The following ENTPD7 variants were observed in gnomAD, a reference collection of about 807,000 sequenced individuals.
The protein encoded by ENTPD7 is ectonucleoside triphosphate diphosphohydrolase 7.
ENTPD7 carries 53 observed loss-of-function variants against 77.9 expected under a neutral mutation model. The observed-to-expected ratio is 0.68, with a 90% CI of 0.55 to 0.85. The LOEUF (loss-of-function observed/expected upper bound fraction) is 0.85, where lower values mean the gene tolerates loss of function less well. ENTPD7 is among the 40% of genes least tolerant of loss of function. The pLI is 0.00. For missense variants in ENTPD7, 636 were observed against 743.7 expected (o/e 0.86, Z 1.68); for synonymous variants, 248 against 274.9 (o/e 0.90, Z 0.97).
In ENTPD7 at chr10:99,709,578, T is replaced by C. The variant is rs756112583; in HGVS notation, c.*4895T>C. ...AATACTATAGAATAGCAACAGTGAA[T>C]ATACCTCAAATTGAAAACTTTTAGG... On this transcript the variant is annotated 3_prime_UTR_variant, in exon 13 of 13. Coordinates refer to ENST00000370489, the MANE Select transcript of ENTPD7 (RefSeq NM_020354.5). 43 of 983,892 alleles carry C rather than the reference T, an allele frequency of 4.4e-5. 1 individual carries two copies. The highest frequency in any genetic ancestry group is 5.1e-5 in the Non-Finnish European group (42 of 828,626). 60.9% of individuals were successfully genotyped at this position (983,892 alleles called of 1,614,324 possible). A position where few individuals can be genotyped will look rare whatever the true frequency, so the allele number is the denominator to read the frequency against.
intron 5 of ENTPD7, among the ~76,000 whole-genome samples, chr10:99,685,573 A>G (rs1372260330): frequency 1.3e-5 from 2 of 152,146 alleles, no homozygotes; most frequent in Non-Finnish European, 2.9e-5. Context: ...AGGGGAAAGT[A>G]TTACTATTAC....
At chr10:99,685,573 A>C (rs1372260330) in intron 5 of ENTPD7, among the ~76,000 whole-genome samples, 2 of 152,146 alleles carry the variant, frequency 1.3e-5, no homozygotes, top group Non-Finnish European at 2.9e-5. Context: ...AGGGGAAAGT[A>C]TTACTATTAC....
At chr10:99,669,811 G>A (rs2035598389) in intron 3 of ENTPD7, among the ~76,000 whole-genome samples, 2 of 135,912 alleles carry the variant, frequency 1.5e-5, no homozygotes. Context: ...GTGCAGTGGT[G>A]CGATCTCGGC....
chr10:99,695,359 T>TA (rs1264316014), intron 8 of ENTPD7, among the ~76,000 whole-genome samples: 2 of 151,934 alleles, frequency 1.3e-5, no homozygotes, highest in Non-Finnish European at 2.9e-5. Context: ...CCGTCTCCAC[T>TA]AAAAATACAA....
chr10:99,700,812 G>A, intron 10 of ENTPD7, 161 bp from the exon 11 acceptor site: 1 of 684,962 alleles, frequency 1.5e-6, no homozygotes, highest in Non-Finnish European at 2.6e-6. Flanking sequence ...GAATAAACAG[G>A]GGTATGACGC....
chr10:99,659,753 CA>C lies in ENTPD7; in HGVS notation c.-95-108del, dbSNP rs1283948254. The C allele has an allele frequency of 6.2e-6, 4 of 641,740 alleles. No individual in the cohort carries two copies. The highest frequency in any genetic ancestry group is 1.0e-5 in the Non-Finnish European group (4 of 385,100). 39.8% of individuals were successfully genotyped at this position (641,740 alleles called of 1,614,324 possible). Reference sequence around the variant, plus strand: ...GTAGGGTCCCCTGGGCCTGAGGAACCAGAGCAGACGGAGCGGGAGCCTGGGG... The same window carrying C: ...GTAGGGTCCCCTGGGCCTGAGGAACCGAGCAGACGGAGCGGGAGCCTGGGG... On this transcript the variant is annotated intron_variant, in intron 1 of 12. Transcript: ENST00000370489. This position sits in a 1 kb window ranked among gnomAD's most constrained non-coding sequence, Gnocchi z 4.1.
Position 99,709,537 on chromosome 10 carries a change from CAAT to C in ENTPD7, c.*4859_*4861del, listed in dbSNP as rs1034970922. The C allele has an allele frequency of 1.4e-5, 14 of 982,378 alleles. No homozygotes were observed. Among genetic ancestry groups the C allele is most frequent in the African/African-American group, 3.5e-5 (2 of 57,148 alleles). The allele number at this position is 982,378 out of a possible 1,614,324, so 60.9% of individuals were successfully genotyped here. A position where few individuals can be genotyped will look rare whatever the true frequency, so the allele number is the denominator to read the frequency against. On this transcript the variant is annotated 3_prime_UTR_variant, in exon 13 of 13. Coordinates refer to ENST00000370489, the MANE Select transcript of ENTPD7 (RefSeq NM_020354.5). The stretch of plus-strand genomic sequence containing the variant: ...GATTAATAATAACAGGATTATTAGT[CAAT>C]AATATTTTGATTAATACTATAGAAT...
At position 99,705,979 on chromosome 10, in the gene ENTPD7, A is replaced by T. The variant is rs1416419533; in HGVS notation, c.*1296A>T. 6.6e-6 allele frequency: 1 copy of T among 152,142 alleles called. No individual in the cohort carries two copies. Among genetic ancestry groups the T allele is most frequent in the Non-Finnish European group, 1.5e-5 (1 of 68,012 alleles). 9.4% of individuals were successfully genotyped at this position (152,142 alleles called of 1,614,324 possible). A position where few individuals can be genotyped will look rare whatever the true frequency, so the allele number is the denominator to read the frequency against. On this transcript the variant is annotated 3_prime_UTR_variant, in exon 13 of 13. Coordinates refer to ENST00000370489, the MANE Select transcript of ENTPD7 (RefSeq NM_020354.5). ...TCAGGGTCCGCATGGAATCTTTCTT[A>T]TATTTTACCCTTTCCTACATGTAGC...
chr10:99,698,733 T>C lies in ENTPD7; in HGVS notation c.1210T>C (p.Tyr404His), dbSNP rs747927998. The C allele has an allele frequency of 1.4e-5, 22 of 1,614,112 alleles. No individual in the cohort carries two copies. The Admixed American group carries it at 1.5e-4, about 11-fold the overall frequency. The change falls in exon 10 of 13, where the codon TAT (tyrosine) becomes CAT (histidine). Residue 404 changes from tyrosine to histidine, a missense_variant. Physicochemically the swap from Tyr to His is moderately conservative, Grantham distance 83. Transcript: ENST00000370489. ...NTSQASLNGI[Y>H]QSPIDFNNSE... is the part of the protein sequence containing the mutation. ...CAGCCAGGCCTCACTCAATGGCATA[T>C]ATCAATCGCCTATTGACTTCAACAA...
chr10:99,699,790 T>C (rs957285933), intron 10 of ENTPD7, among the ~76,000 whole-genome samples: 3 of 152,186 alleles, frequency 2.0e-5, no homozygotes, highest in Non-Finnish European at 2.9e-5. Flanking sequence ...GGTTTGGAAC[T>C]CCTGGCCTCA....
intron 6 of ENTPD7, among the ~76,000 whole-genome samples, chr10:99,687,960 A>C (rs1231462592): frequency 6.6e-6 from 1 of 152,202 alleles, no homozygotes; most frequent in Admixed American, 6.5e-5. Flanking sequence ...TTGAAGCTAC[A>C]GCTTCTCTGG....
intron 3 of ENTPD7, 136 bp downstream of exon 3, chr10:99,661,764 G>T: frequency 1.3e-6 from 1 of 798,206 alleles, no homozygotes; most frequent in Non-Finnish European, 1.9e-6. Flanking sequence ...ACATAAAGAA[G>T]ATTTTAAGCC....
intron 8 of ENTPD7, among the ~76,000 whole-genome samples, chr10:99,692,036 T>C (rs1322833102): frequency 6.7e-6 from 1 of 148,168 alleles, no homozygotes; most frequent in Non-Finnish European, 1.5e-5. Context: ...ACAGCCATTA[T>C]GTACACCTAT....
At chr10:99,668,184 CT>C (rs1456911723) in intron 3 of ENTPD7, among the ~76,000 whole-genome samples, 1 of 152,112 alleles carries the variant, frequency 6.6e-6, no homozygotes, top group Non-Finnish European at 1.5e-5. Context: ...ATCCACCCAC[CT>C]CAGCCTCTCA....
At position 99,710,459 on chromosome 10, in the gene ENTPD7, A is replaced by G; in HGVS notation, c.*5776A>G. On this transcript the variant is annotated 3_prime_UTR_variant, in exon 13 of 13. Coordinates refer to ENST00000370489, the MANE Select transcript of ENTPD7 (RefSeq NM_020354.5). ...CTTTTTATTATGATCTACACTTTAA[A>G]AAACCAAAGGCTGCCTGTATTACAT... is the stretch of plus-strand genomic sequence containing the variant. 1.0e-6 allele frequency: 1 copy of G among 985,444 alleles called. No individual in the cohort carries two copies. Among genetic ancestry groups the G allele is most frequent in the Non-Finnish European group, 1.2e-6 (1 of 829,928 alleles). The allele number at this position is 985,444 out of a possible 1,614,324, so 61.0% of individuals were successfully genotyped here.
At position 99,691,459 on chromosome 10, in the gene ENTPD7, G is replaced by A; in HGVS notation, c.784G>A (p.Ala262Thr). 1 of 1,614,106 alleles carries A rather than the reference G, an allele frequency of 6.2e-7. No individual in the cohort carries two copies. ...RTVGILDMGG[A>T]SLQIAYEVPT... ...AGTAGGGATACTGGATATGGGAGGA[G>A]CCTCTCTCCAAATTGCTTATGAAGT... The change falls in exon 8 of 13, where the codon GCC becomes ACC. Residue 262 changes from alanine (A) to threonine (T), a missense_variant. Ala to Thr is a moderately conservative substitution (Grantham distance 58). Around this residue, in one of 3 missense-constraint regions of ENTPD7, gnomAD observed 486 missense variants for 556.5 expected, o/e 0.87. Transcript: ENST00000370489.
chr10:99,677,323 G>A (rs1033846833), intron 3 of ENTPD7, among the ~76,000 whole-genome samples: 2 of 150,332 alleles, frequency 1.3e-5, no homozygotes, highest in Non-Finnish European at 3.0e-5. Context: ...CTAGGAGTTG[G>A]CTTTAAAGAC....
intron 2 of ENTPD7, among the ~76,000 whole-genome samples, chr10:99,660,725 G>A (rs2035472879): frequency 6.6e-6 from 1 of 152,142 alleles, no homozygotes; most frequent in African/African-American, 2.4e-5. Context: ...AGGAGTTCAG[G>A]ACCAGCCTGG....
Position 99,665,378 on chromosome 10 carries a change from C to G in ENTPD7, c.191+3750C>G, listed in dbSNP as rs531141837. Reference sequence around the variant, plus strand: ...ACTCTCTTCTAAGAATGGAGAAGAGCCTTGCCAGAAACCTCTAACAACCAT... The same window carrying G: ...ACTCTCTTCTAAGAATGGAGAAGAGGCTTGCCAGAAACCTCTAACAACCAT... On this transcript the variant is annotated intron_variant, in intron 3 of 12. Coordinates refer to ENST00000370489, the MANE Select transcript of ENTPD7 (RefSeq NM_020354.5). Among the ~76,000 whole-genome samples, 4 of 152,256 alleles carry G rather than the reference C, an allele frequency of 2.6e-5. No individual in the cohort carries two copies. The East Asian group carries it at 7.7e-4, about 29-fold the overall frequency.
Sources: allele counts gnomAD v4.1 joint callset (sites outside exome capture counted in the v4.1 genomes callset), GRCh38; gene constraint gnomAD v4.1.1; regional missense constraint gnomAD v4.1.1; non-coding constraint Gnocchi (gnomAD v3.1); transcripts MANE v1.5; gene names NCBI Gene and HGNC (gene_info 2026-07-23, HGNC 2026-07-21).